SPATA22: variants seen among roughly 807,000 people sequenced by gnomAD.
SPATA22 encodes spermatogenesis-associated protein 22.
Under a neutral mutation model 47.8 loss-of-function variants are expected in SPATA22, and 29 were observed. The ratio of observed to expected loss-of-function variants is 0.61; its 90% CI spans 0.45 to 0.83. The LOEUF (loss-of-function observed/expected upper bound fraction) is 0.83. Ranked by LOEUF, SPATA22 falls within the 40% of genes least tolerant of loss-of-function variation. The probability of loss-of-function intolerance (pLI) is 0.00; values close to 1 mark genes in which losing one functional copy is unlikely to be tolerated. For missense variants in SPATA22, 410 were observed against 421.7 expected, an observed-to-expected ratio of 0.97 and a Z score of 0.24; for synonymous variants, 133 against 140.9, an observed-to-expected ratio of 0.94 and a Z score of 0.40.
At chr17:3,460,792 C>CAAAAAAAA (rs71379504) in intron 5 of SPATA22, among the ~76,000 whole-genome samples, 1 of 60,096 alleles carries the variant, frequency 1.7e-5, no homozygotes, top group Non-Finnish European at 2.8e-5. Context: ...GATCCAGTCT[C>CAAAAAAAA]AAAAAAAAAA....
In SPATA22 at chr17:3,463,284, G is replaced by A. The variant is rs577164763; in HGVS notation, c.173-517C>T. 3.3e-5 allele frequency among the ~76,000 whole-genome samples: 5 copies of A among 152,276 alleles called. No individual in the cohort carries two copies. The South Asian group carries it at 1.0e-3, about 32-fold the overall frequency. Reference sequence around the variant, plus strand: ...AAATGCATTGTTAGGTGAGTTTGTTGTGCAAACAACATAGAGTGTACTTAC... The same window carrying A: ...AAATGCATTGTTAGGTGAGTTTGTTATGCAAACAACATAGAGTGTACTTAC... On this transcript the variant is annotated intron_variant, in intron 3 of 8. Coordinates refer to ENST00000572969, the MANE Select transcript of SPATA22 (RefSeq NM_001170698.2).
At chr17:3,478,795 C>T (rs906446533) in intron 1 of SPATA22, among the ~76,000 whole-genome samples, 7 of 152,114 alleles carry the variant, frequency 4.6e-5, no homozygotes, top group African/African-American at 1.7e-4. Flanking sequence ...TTCCTATATT[C>T]CTCATCTCAG....
intron 1 of SPATA22, among the ~76,000 whole-genome samples, chr17:3,493,560 CAA>C (rs746229421): frequency 4.6e-4 from 26 of 56,366 alleles, no homozygotes; most frequent in Non-Finnish European, 7.0e-4. Context: ...GGTTCCATCT[CAA>C]AAAAAAAAAA....
At chr17:3,473,855 C>A (rs1417578884), upstream of SPATA22, among the ~76,000 whole-genome samples, 8 of 134,622 alleles carry the variant, frequency 5.9e-5, no homozygotes, top group Admixed American at 5.7e-4. Context: ...TCCCACAAAA[C>A]ATTTGTAATG....
chr17:3,448,007 C>T (rs1161874934), intron 6 of SPATA22, among the ~76,000 whole-genome samples: 1 of 152,162 alleles, frequency 6.6e-6, no homozygotes, highest in Non-Finnish European at 1.5e-5. Context: ...ATAACCAGCA[C>T]ACATAATATA....
intron 1 of SPATA22, among the ~76,000 whole-genome samples, chr17:3,495,597 C>A (rs2073895627): frequency 6.6e-6 from 1 of 152,134 alleles, no homozygotes; most frequent in Non-Finnish European, 1.5e-5. Context: ...GAGATGGAGT[C>A]TCGCTCTGTC....
chr17:3,464,738 G>A (rs1231570831), intron 3 of SPATA22, among the ~76,000 whole-genome samples: 5 of 145,012 alleles, frequency 3.4e-5, no homozygotes, highest in East Asian at 2.1e-4. Flanking sequence ...GAGACCCTCC[G>A]CCCGGCAACC....
At chr17:3,470,236 T>C (rs898314951) in intron 1 of SPATA22, among the ~76,000 whole-genome samples, 63 of 152,200 alleles carry the variant, frequency 4.1e-4, no homozygotes, top group African/African-American at 1.1e-3. Context: ...AGAATTTCTC[T>C]TGTAATTTTG....
In SPATA22 at chr17:3,463,669, AT is replaced by A. The variant is rs568482802; in HGVS notation, c.173-903del. Among the ~76,000 whole-genome samples, 11 of 151,924 alleles carry A rather than the reference AT, an allele frequency of 7.2e-5. No homozygotes were observed. The South Asian group carries it at 2.1e-3, about 29-fold the overall frequency. ...ATTTAGGCTACATTTATAAAAAAAA[AT>A]AAACTGTGCTATGACATTATGACAG... is the stretch of plus-strand genomic sequence containing the variant. On this transcript the variant is annotated intron_variant, in intron 3 of 8. Coordinates refer to ENST00000572969, the MANE Select transcript of SPATA22 (RefSeq NM_001170698.2).
chr17:3,450,910 C>T (rs547896338), intron 5 of SPATA22, among the ~76,000 whole-genome samples: 3 of 152,238 alleles, frequency 2.0e-5, no homozygotes, highest in Admixed American at 6.5e-5. Context: ...TGGCACCAAT[C>T]GACTTGCTCA....
intron 1 of SPATA22, among the ~76,000 whole-genome samples, chr17:3,477,438 C>CT (rs1391931383): frequency 9.2e-5 from 14 of 152,188 alleles, no homozygotes; most frequent in Middle Eastern, 3.4e-3. Flanking sequence ...CACATATTTG[C>CT]TTTTTACCAC....
intron 1 of SPATA22, among the ~76,000 whole-genome samples, chr17:3,478,804 A>G (rs1036602215): frequency 6.6e-6 from 1 of 152,184 alleles, no homozygotes; most frequent in Non-Finnish European, 1.5e-5. Flanking sequence ...TCCTCATCTC[A>G]GTGGTGGCAT....
intron 1 of SPATA22, chr17:3,502,239 T>A (rs2073999143): frequency 6.6e-6 from 1 of 152,220 alleles, no homozygotes; most frequent in Non-Finnish European, 1.5e-5. Flanking sequence ...AATGAAGGAA[T>A]GTACATGTTT....
intron 1 of SPATA22, among the ~76,000 whole-genome samples, chr17:3,487,600 G>C (rs879746434): frequency 3.3e-5 from 5 of 152,126 alleles, no homozygotes; most frequent in Non-Finnish European, 5.9e-5. Flanking sequence ...CCTTTGATTT[G>C]TTTCAGCTAA....
At chr17:3,481,685 G>C in intron 1 of SPATA22, 2 of 1,613,908 alleles carry the variant, frequency 1.2e-6, no homozygotes, top group Admixed American at 3.3e-5. Flanking sequence ...AGACAGTGAA[G>C]ATTCCTATGA....
intron 1 of SPATA22, among the ~76,000 whole-genome samples, chr17:3,491,307 G>A (rs1490968300): frequency 1.3e-5 from 2 of 152,174 alleles, no homozygotes; most frequent in Admixed American, 1.3e-4. Flanking sequence ...AATAAGGGAG[G>A]TAATGGTCTT....
At chr17:3,443,330 A>T in intron 7 of SPATA22, 59 bp from the exon 8 acceptor site, 1 of 1,239,654 alleles carries the variant, frequency 8.1e-7, no homozygotes, top group Non-Finnish European at 1.2e-6. Context: ...ATAAAATTTA[A>T]CAAAGAGAAG....
At chr17:3,481,560 C>T in intron 1 of SPATA22, 1 of 1,541,866 alleles carries the variant, frequency 6.5e-7, no homozygotes, top group Non-Finnish European at 8.9e-7. Flanking sequence ...TATATTATCT[C>T]AGGCACAGAT....
chr17:3,443,950 C>T (rs1285836431), intron 7 of SPATA22, among the ~76,000 whole-genome samples: 1 of 151,760 alleles, frequency 6.6e-6, no homozygotes, highest in Non-Finnish European at 1.5e-5. Context: ...AACTATAGAC[C>T]TCCTCTGTGC....
Sources: gnomAD v4.1 joint callset for allele counts (sites outside exome capture counted in the v4.1 genomes callset) on GRCh38, gnomAD v4.1.1 for gene constraint, MANE v1.5 for transcripts, NCBI Gene and HGNC (gene_info 2026-07-23, HGNC 2026-07-21) for gene names.